PLCB1: variants seen among roughly 807,000 people sequenced by gnomAD.
The protein encoded by PLCB1 is phospholipase C beta 1, also known as 1-phosphatidylinositol 4,5-bisphosphate phosphodiesterase beta-1.
A neutral mutation model predicts 161.8 loss-of-function variants in PLCB1; 46 were observed. The ratio of observed to expected loss-of-function variants is 0.28; its 90% confidence interval spans 0.22 to 0.36. PLCB1 has a LOEUF of 0.36. PLCB1 is among the 10% of genes least tolerant of loss of function. The pLI is 1.00. For missense variants in PLCB1, 1,016 were observed against 1,472.5 expected, an observed-to-expected ratio of 0.69 and a Z score of 5.07; for synonymous variants, 517 against 503.7, an observed-to-expected ratio of 1.03 and a Z score of -0.35.
chr20:8,244,973 T>G (rs1980805723), intron 2 of PLCB1, among the ~76,000 whole-genome samples: 3 of 149,322 alleles, frequency 2.0e-5, no homozygotes. Context: ...TAGGAGAGGT[T>G]CTATTTTGGA....
At chr20:8,673,579 G>A (rs187478644) in intron 9 of PLCB1, among the ~76,000 whole-genome samples, 2 of 152,112 alleles carry the variant, frequency 1.3e-5, no homozygotes, top group South Asian at 2.1e-4. Flanking sequence ...AGGCCTCTTG[G>A]TTCTGTTCTG....
At chr20:8,202,367 G>A (rs776216903) in intron 2 of PLCB1, among the ~76,000 whole-genome samples, 45 of 152,204 alleles carry the variant, frequency 3.0e-4, no homozygotes, top group African/African-American at 9.6e-4. Flanking sequence ...CAGCCACTGC[G>A]CACAGCCTAT....
chr20:8,760,531 G>T, intron 25 of PLCB1, 71 bp downstream of exon 25: 5 of 1,022,058 alleles, frequency 4.9e-6, no homozygotes, highest in Non-Finnish European at 5.9e-6. Context: ...TTAGAGGAGA[G>T]GAAATTTCCA....
At chr20:8,426,411 A>G (rs140711876) in intron 3 of PLCB1, among the ~76,000 whole-genome samples, 2 of 152,356 alleles carry the variant, frequency 1.3e-5, no homozygotes, top group East Asian at 1.9e-4. Flanking sequence ...ATGTTTGGAT[A>G]CACACGTGCG....
rs142089078 is a variant in PLCB1 at position 8,608,860 on chromosome 20, C to T, written c.247-19434C>T. Among the ~76,000 whole-genome samples, 1,136 of 152,082 alleles carry T rather than the reference C, an allele frequency of 7.5e-3. 13 individuals are homozygous for T. Among genetic ancestry groups the T allele is most frequent in the African/African-American group, 0.026 (1,077 of 41,490 alleles). ...AATTTGAATGAATTCACTATTTTAC[C>T]ATAATCAGAAGACTGCAGCAATCAT... On this transcript the variant is annotated intron_variant, in intron 3 of 31. Coordinates refer to ENST00000338037, the MANE Select transcript of PLCB1 (RefSeq NM_015192.4).
At chr20:8,795,004 C>G (rs6039276) in intron 31 of PLCB1, among the ~76,000 whole-genome samples, 135,584 of 152,172 alleles carry the variant, frequency 0.89, 61,386 homozygotes, top group East Asian at 1. Flanking sequence ...GAGTTCCCAA[C>G]ATTTTTACCA....
At chr20:8,354,617 A>C (rs978564381) in intron 2 of PLCB1, among the ~76,000 whole-genome samples, 1 of 152,218 alleles carries the variant, frequency 6.6e-6, no homozygotes, top group Non-Finnish European at 1.5e-5. Flanking sequence ...ACAGAACAAA[A>C]AGTGGAGGCT....
intron 2 of PLCB1, among the ~76,000 whole-genome samples, chr20:8,302,074 G>A (rs1983935272): frequency 6.6e-6 from 1 of 152,200 alleles, no homozygotes; most frequent in Admixed American, 6.5e-5. Context: ...AACAGTGCAT[G>A]GTGCTCAGTA....
At chr20:8,171,700 A>G (rs754049411) in intron 2 of PLCB1, among the ~76,000 whole-genome samples, 2 of 152,136 alleles carry the variant, frequency 1.3e-5, no homozygotes, top group Non-Finnish European at 2.9e-5. Flanking sequence ...AGTGTTTATT[A>G]TTATTACTTC....
At chr20:8,606,381 G>C in intron 3 of PLCB1, among the ~76,000 whole-genome samples, 1 of 152,010 alleles carries the variant, frequency 6.6e-6, no homozygotes, top group East Asian at 1.9e-4. Context: ...ACCTCTCTGT[G>C]CCTTCATTTC....
At chr20:8,761,680 G>A (rs1005207733) in intron 25 of PLCB1, among the ~76,000 whole-genome samples, 5 of 151,756 alleles carry the variant, frequency 3.3e-5, no homozygotes, top group South Asian at 4.2e-4. Context: ...CACCACACCC[G>A]GCTAATTTTG....
intron 3 of PLCB1, among the ~76,000 whole-genome samples, chr20:8,525,190 A>G (rs1984532162): frequency 1.3e-5 from 2 of 152,064 alleles, no homozygotes; most frequent in African/African-American, 4.8e-5. Context: ...CTCAAATTGA[A>G]GGGCAGTGGA....
intron 3 of PLCB1, among the ~76,000 whole-genome samples, chr20:8,429,447 G>A (rs1440797100): frequency 2.7e-5 from 4 of 149,774 alleles, no homozygotes; most frequent in Non-Finnish European, 6.0e-5. Context: ...TGTGGGTTAT[G>A]AATTCAATTT....
At chr20:8,175,490 C>G (rs2051773645) in intron 2 of PLCB1, among the ~76,000 whole-genome samples, 1 of 151,824 alleles carries the variant, frequency 6.6e-6, no homozygotes, top group Admixed American at 6.6e-5. Context: ...AAATGAAGTT[C>G]AACATAAGCT....
intron 2 of PLCB1, among the ~76,000 whole-genome samples, chr20:8,218,353 A>G (rs1456281627): frequency 3.3e-5 from 5 of 152,154 alleles, no homozygotes. Context: ...AGGCAGTGGT[A>G]GAGCTAACAG....
chr20:8,270,793 A>G (rs1982246164), intron 2 of PLCB1, among the ~76,000 whole-genome samples: 1 of 152,126 alleles, frequency 6.6e-6, no homozygotes, highest in Non-Finnish European at 1.5e-5. Context: ...GAATACTGGT[A>G]GAAGATTCTT....
intron 3 of PLCB1, among the ~76,000 whole-genome samples, chr20:8,420,852 G>A (rs1313670967): frequency 6.6e-6 from 1 of 152,128 alleles, no homozygotes; most frequent in Non-Finnish European, 1.5e-5. Context: ...GTAGCAGAAA[G>A]GTCCAAATCA....
intron 31 of PLCB1, among the ~76,000 whole-genome samples, chr20:8,864,759 T>A (rs1987369816): frequency 6.6e-6 from 1 of 152,136 alleles, no homozygotes; most frequent in African/African-American, 2.4e-5. Flanking sequence ...ACCTAGAAGA[T>A]TTTTCCTGTC....
intron 2 of PLCB1, among the ~76,000 whole-genome samples, chr20:8,188,614 A>G (rs572668583): frequency 3.3e-5 from 5 of 152,280 alleles, no homozygotes; most frequent in Admixed American, 2.6e-4. Flanking sequence ...AAGAGTGGCC[A>G]TCAATTTATA....
Sources: gnomAD v4.1 joint callset for allele counts (sites outside exome capture counted in the v4.1 genomes callset) on GRCh38, gnomAD v4.1.1 for gene constraint, MANE v1.5 for transcripts, NCBI Gene and HGNC (gene_info 2026-07-23, HGNC 2026-07-21) for gene names.